The following CHD2 variants were observed in gnomAD, a reference collection of about 807,000 sequenced individuals.
CHD2 encodes chromodomain helicase DNA binding protein 2.
A neutral mutation model predicts 243.9 loss-of-function variants in CHD2; 28 were observed. The ratio of observed to expected loss-of-function variants is 0.11; its 90% confidence interval spans 0.09 to 0.16. CHD2 has a LOEUF of 0.16. Among genes scored for constraint, CHD2 ranks in the 10% least tolerant of loss-of-function variants. The pLI is 1.00. For missense variants in CHD2, 1,386 were observed against 2,209.8 expected (o/e 0.63, Z 7.47); for synonymous variants, 775 against 779.0 (o/e 0.99, Z 0.09).
intron 35 of CHD2, 38 bp downstream of exon 35, chr15:93,009,361 C>G: frequency 6.3e-7 from 1 of 1,592,216 alleles, no homozygotes; most frequent in Non-Finnish European, 8.6e-7. Context: ...TTTGATTTGA[C>G]TGAGTGTGGG....
intron 5 of CHD2, among the ~76,000 whole-genome samples, chr15:92,930,102 A>C (rs1235359558): frequency 6.6e-6 from 1 of 152,226 alleles, no homozygotes; most frequent in Non-Finnish European, 1.5e-5. Flanking sequence ...GCAAACCTGC[A>C]CTTGGCATCT....
intron 2 of CHD2, among the ~76,000 whole-genome samples, chr15:92,909,508 C>T (rs1300938197): frequency 6.6e-6 from 1 of 152,158 alleles, no homozygotes; most frequent in African/African-American, 2.4e-5. Flanking sequence ...TCTCACTCTG[C>T]TGTGCTGGGA....
At chr15:92,996,883 G>A in intron 28 of CHD2, 74 bp from the exon 29 acceptor site, 1 of 1,423,208 alleles carries the variant, frequency 7.0e-7, no homozygotes. Context: ...AAGAGGTCAG[G>A]GTTCGTTGAT....
intron 18 of CHD2, 60 bp downstream of exon 18, chr15:92,971,987 T>G: frequency 6.6e-7 from 1 of 1,512,736 alleles, no homozygotes; most frequent in Non-Finnish European, 9.0e-7. Flanking sequence ...TAGGTGCTTT[T>G]CATCAGAATG....
Position 92,998,617 on chromosome 15 carries a change from A to T in CHD2, c.4004A>T (p.Glu1335Val), listed in dbSNP as rs759239318. The change falls in exon 31 of 39, where the codon GAA becomes GTA. Residue 1335 changes from glutamate (E) to valine (V), a missense_variant. Transcript: ENST00000394196. The surrounding 1 kb of genome is among the most constrained non-coding windows in gnomAD (Gnocchi z 5.1). ...LEKKGAVTGG[E>V]EAKLKKRKPR... Reference sequence around the variant, plus strand: ...AAGAAGGGGGCTGTGACAGGTGGGGAAGAGGTGAGTACGCTGCCAGCTGGT... The same window carrying T: ...AAGAAGGGGGCTGTGACAGGTGGGGTAGAGGTGAGTACGCTGCCAGCTGGT... 1 of 1,612,272 alleles carries T rather than the reference A, an allele frequency of 6.2e-7. No homozygotes were observed. Among genetic ancestry groups the T allele is most frequent in the Non-Finnish European group, 8.5e-7 (1 of 1,179,804 alleles).
In CHD2 at chr15:92,940,810, T is replaced by TTATAAATATATAA. The variant is rs1483730556; in HGVS notation, c.693-1012_693-1011insTATAAATATATAA. 6.5e-3 allele frequency among the ~76,000 whole-genome samples: 908 copies of TTATAAATATATAA among 138,628 alleles called. 44 individuals are homozygous for TTATAAATATATAA. The highest frequency in any genetic ancestry group is 0.013 in the South Asian group (60 of 4,518). The allele number at this position is 138,628 out of a possible 152,430, so 90.9% of individuals were successfully genotyped here. A position where few individuals can be genotyped will look rare whatever the true frequency, so the allele number is the denominator to read the frequency against. On this transcript the variant is annotated intron_variant, in intron 7 of 38. Coordinates refer to ENST00000394196, the MANE Select transcript of CHD2 (RefSeq NM_001271.4). ...AAATATATAAATATATAAATAAATA[T>TTATAAATATATAA]AAATATATATAAATATTATAAATAT...
At chr15:93,019,857 C>G (rs1358461709) in intron 37 of CHD2, among the ~76,000 whole-genome samples, 155 bp from the exon 38 acceptor site, 1 of 151,108 alleles carries the variant, frequency 6.6e-6, no homozygotes, top group African/African-American at 2.4e-5. Flanking sequence ...TCGCTTGACC[C>G]AAGAGATGGA....
Position 92,941,959 on chromosome 15 carries a change from T to A in CHD2, c.826+4T>A. Reference sequence around the variant, plus strand: ...TCAAGACTGGGAAAGAAAGGAGGTATGTGTATTTGGGGAGCAAATTACATT... The same window carrying A: ...TCAAGACTGGGAAAGAAAGGAGGTAAGTGTATTTGGGGAGCAAATTACATT... On this transcript the variant is annotated splice_donor_region_variant and intron_variant, in intron 8 of 38. Coordinates refer to ENST00000394196, the MANE Select transcript of CHD2 (RefSeq NM_001271.4). 6.2e-7 allele frequency: 1 copy of A among 1,611,242 alleles called. No homozygotes were observed. Among genetic ancestry groups the A allele is most frequent in the East Asian group, 2.2e-5 (1 of 44,668 alleles).
intron 5 of CHD2, among the ~76,000 whole-genome samples, chr15:92,934,405 A>T (rs2053228272): frequency 7.4e-6 from 1 of 135,572 alleles, no homozygotes; most frequent in African/African-American, 2.6e-5. Context: ...TAGTTGAATT[A>T]TGTGTTTTTA....
At chr15:92,949,755 C>T (rs945588883) in intron 13 of CHD2, among the ~76,000 whole-genome samples, 1 of 152,182 alleles carries the variant, frequency 6.6e-6, no homozygotes, top group African/African-American at 2.4e-5. Flanking sequence ...AATGCTTGTT[C>T]CTCGGTGCTG....
At chr15:92,956,735 A>T in intron 16 of CHD2, 86 bp downstream of exon 16, 1 of 1,264,468 alleles carries the variant, frequency 7.9e-7, no homozygotes, top group Non-Finnish European at 1.1e-6. Context: ...CCTTAGGGAA[A>T]ACAGATGGCA....
In CHD2 at chr15:93,026,555, T is replaced by C. The variant is rs1188459662; in HGVS notation, c.*1850T>C. 1 of 152,270 alleles carries C rather than the reference T, an allele frequency of 6.6e-6. No homozygotes were observed. The highest frequency in any genetic ancestry group is 2.4e-5 in the African/African-American group (1 of 41,450). 9.4% of individuals were successfully genotyped at this position (152,270 alleles called of 1,614,324 possible). A position where few individuals can be genotyped will look rare whatever the true frequency, so the allele number is the denominator to read the frequency against. On this transcript the variant is annotated 3_prime_UTR_variant, in exon 39 of 39. Coordinates refer to ENST00000394196, the MANE Select transcript of CHD2 (RefSeq NM_001271.4). Reference sequence around the variant, plus strand: ...CTTGGGGTTGTCCAGCCTGGACTTGTAGCACACATGTCCTGAAGCAAAGCT... The same window carrying C: ...CTTGGGGTTGTCCAGCCTGGACTTGCAGCACACATGTCCTGAAGCAAAGCT...
chr15:92,935,714 C>G (rs536285049), intron 5 of CHD2, among the ~76,000 whole-genome samples: 4 of 152,288 alleles, frequency 2.6e-5, no homozygotes, highest in Non-Finnish European at 4.4e-5. Context: ...TTCCTTTCTT[C>G]CTTCCTGGTG....
At chr15:92,982,818 T>C (rs995113784) in intron 24 of CHD2, among the ~76,000 whole-genome samples, 1 of 152,096 alleles carries the variant, frequency 6.6e-6, no homozygotes, top group Non-Finnish European at 1.5e-5. Context: ...ATTAATGGGT[T>C]AGGATGCAGA....
intron 31 of CHD2, among the ~76,000 whole-genome samples, chr15:92,999,116 A>AAT: frequency 2.9e-5 from 4 of 138,712 alleles, no homozygotes; most frequent in African/African-American, 7.8e-5. Context: ...AAAAAAAAAA[A>AAT]ATTCATTTAA....
intron 2 of CHD2, chr15:92,904,987 C>T (rs1596362898): frequency 6.5e-7 from 1 of 1,535,922 alleles, no homozygotes; most frequent in Admixed American, 2.0e-5. Context: ...TCTCAGTTGG[C>T]ATTTGATGGA....
chr15:92,994,774 A>G (rs1458563811), intron 28 of CHD2, among the ~76,000 whole-genome samples: 1 of 152,212 alleles, frequency 6.6e-6, no homozygotes, highest in Admixed American at 6.5e-5. Flanking sequence ...TTTATCTCAT[A>G]GTATCTTGTG....
chr15:93,011,271 A>G (rs1450630224), intron 35 of CHD2, among the ~76,000 whole-genome samples: 2 of 152,178 alleles, frequency 1.3e-5, no homozygotes, highest in Admixed American at 6.5e-5. Context: ...GAGGCAGCAA[A>G]TGCAAGCCCA....
chr15:92,917,597 CCAGT>C (rs1284570269), intron 2 of CHD2, among the ~76,000 whole-genome samples: 3 of 152,132 alleles, frequency 2.0e-5, no homozygotes, highest in African/African-American at 7.2e-5. Flanking sequence ...AAAGGTGTGA[CCAGT>C]CAGTCTTCTT....
Sources: allele counts gnomAD v4.1 joint callset (sites outside exome capture counted in the v4.1 genomes callset), GRCh38; gene constraint gnomAD v4.1.1; non-coding constraint Gnocchi (gnomAD v3.1); transcripts MANE v1.5; gene names NCBI Gene and HGNC (gene_info 2026-07-23, HGNC 2026-07-21).